The following FGD2 variants were observed in gnomAD, a reference collection of about 807,000 sequenced individuals.
FGD2 encodes the protein FYVE, RhoGEF and PH domain containing 2.
A neutral mutation model predicts 75.9 loss-of-function variants in FGD2; 52 were observed. The observed-to-expected ratio is 0.69, with a 90% confidence interval of 0.55 to 0.86. FGD2 has a LOEUF of 0.86. FGD2 is among the 40% of genes least tolerant of loss of function. The pLI is 0.00. For missense variants in FGD2, 790 were observed against 872.0 expected (o/e 0.91, Z 1.18); for synonymous variants, 347 against 348.6 (o/e 1.00, Z 0.05).
At chr6:37,027,917 A>G in intron 15 of FGD2, 31 bp from the exon 16 acceptor site, 1 of 1,606,644 alleles carries the variant, frequency 6.2e-7, no homozygotes. Flanking sequence ...CTGAGAGGGG[A>G]CAGTGGCCCA....
intron 9 of FGD2, 93 bp downstream of exon 9, chr6:37,015,953 A>G: frequency 8.5e-7 from 1 of 1,181,084 alleles, no homozygotes; most frequent in Non-Finnish European, 1.2e-6. Context: ...TCTCAATCAC[A>G]GAACCAAACC....
chr6:37,024,374 A>AT (rs1363339307), intron 13 of FGD2: 3 of 152,294 alleles, frequency 2.0e-5, no homozygotes, highest in Admixed American at 6.5e-5. Flanking sequence ...GTATCAATAA[A>AT]TTTCCTGAGC....
rs1325227233 is a variant in FGD2, at chr6:37,021,620, T to C, written c.1326+16T>C. On this transcript the variant is annotated intron_variant, in intron 12 of 15. Transcript: ENST00000274963. ...GGAGCAGGAGGTAAATGAAGGCTTT[T>C]TCATCCCTTGCTGGAGCCACCAACC... 1 of 1,608,802 alleles carries C rather than the reference T, an allele frequency of 6.2e-7. No individual in the cohort carries two copies. The highest frequency in any genetic ancestry group is 8.5e-7 in the Non-Finnish European group (1 of 1,176,702).
chr6:37,008,991 CT>C lies in FGD2; in HGVS notation c.227del (p.Leu76ArgfsTer17). On this transcript the variant is annotated frameshift_variant, in exon 2 of 16. Coordinates refer to ENST00000274963, the MANE Select transcript of FGD2 (RefSeq NM_173558.4). LOFTEE classifies it high-confidence loss of function. ...AGTCAGCAGGAGGTACCTGAACTCC[CT>C]GAAGAACAAGCTGTCCAGCGAAGCC... ...RTVSRRYLNS[L>X]KNKLSSEAWR... is the part of the protein sequence containing the mutation. 1 of 1,614,260 alleles carries C rather than the reference CT, an allele frequency of 6.2e-7. No individual in the cohort carries two copies. The highest frequency in any genetic ancestry group is 8.5e-7 in the Non-Finnish European group (1 of 1,180,040).
chr6:37,027,380 G>A, intron 14 of FGD2, 49 bp from the exon 15 acceptor site: 1 of 1,563,438 alleles, frequency 6.4e-7, no homozygotes, highest in Non-Finnish European at 8.7e-7. Context: ...ACCAACATCT[G>A]GCACTTGCGG....
intron 4 of FGD2, among the ~76,000 whole-genome samples, chr6:37,012,539 C>T (rs1765061541): frequency 6.6e-6 from 1 of 151,716 alleles, no homozygotes; most frequent in Non-Finnish European, 1.5e-5. Flanking sequence ...TGGTAAAACC[C>T]CATCTCTACC....
chr6:37,024,952 T>C lies in FGD2; in HGVS notation c.1459-840T>C, dbSNP rs118002007. The C allele has an allele frequency of 5.2e-3, 786 of 152,500 alleles. 17 individuals carry two copies. Among genetic ancestry groups the C allele is most frequent in the East Asian group, 0.017 (87 of 5,184 alleles). 9.4% of individuals were successfully genotyped at this position (152,500 alleles called of 1,614,324 possible). A position where few individuals can be genotyped will look rare whatever the true frequency, so the allele number is the denominator to read the frequency against. On this transcript the variant is annotated intron_variant, in intron 13 of 15. Transcript: ENST00000274963. ...CACAGAGGAGCTCCCTGAAGGCTGG[T>C]GCCGCCTGATGAACTACACTCCCTC... is the stretch of plus-strand genomic sequence containing the variant.
At chr6:37,020,489 T>C in intron 9 of FGD2, 52 bp from the exon 10 acceptor site, 1 of 1,534,310 alleles carries the variant, frequency 6.5e-7, no homozygotes. Context: ...GTGCTGTGCC[T>C]GGGACCCGGG....
rs1486210150 is a variant in FGD2 at position 37,028,800 on chromosome 6, G to T, written c.*637G>T. ...ATTTTTTTATTTTTTGTAGAGATGG[G>T]ATTTCACCATGTTACTCAGGCTGGT... On this transcript the variant is annotated 3_prime_UTR_variant, in exon 16 of 16. Transcript: ENST00000274963. 1 of 151,630 alleles carries T rather than the reference G, an allele frequency of 6.6e-6. No homozygotes were observed. Among genetic ancestry groups the T allele is most frequent in the South Asian group, 2.1e-4 (1 of 4,808 alleles). The allele number at this position is 151,630 out of a possible 1,614,324, so 9.4% of individuals were successfully genotyped here.
At chr6:37,015,107 A>G (rs1292524020) in intron 8 of FGD2, 69 bp downstream of exon 8, 25 of 1,553,924 alleles carry the variant, frequency 1.6e-5, no homozygotes, top group Non-Finnish European at 2.2e-5. Context: ...GGCCCGAGTC[A>G]TACTGCCTGG....
chr6:37,010,980 A>T lies in FGD2; in HGVS notation c.308A>T (p.Glu103Val). ...TLSGSGTQEP[E>V]KKIVQELLET... is the part of the protein sequence containing the mutation. ...CCCTCCAATCCTCCGCAGGAGCCAG[A>T]GAAGAAGATCGTCCAGGAGCTGCTG... is the stretch of plus-strand genomic sequence containing the variant. The change falls in exon 3 of 16, where the codon GAG (glutamate) becomes GTG (valine). Residue 103 changes from glutamate (E) to valine (V), a missense_variant. Physicochemically the swap from Glu to Val is moderately radical, Grantham distance 121. Transcript: ENST00000274963. The T allele has an allele frequency of 1.9e-6, 3 of 1,614,100 alleles. No homozygotes were observed. Among genetic ancestry groups the T allele is most frequent in the South Asian group, 2.2e-5 (2 of 91,080 alleles).
chr6:37,013,767 T>C lies in FGD2; in HGVS notation c.684+2T>C, dbSNP rs1334130106. 6.2e-7 allele frequency: 1 copy of C among 1,613,606 alleles called. No individual in the cohort carries two copies. The highest frequency in any genetic ancestry group is 8.5e-7 in the Non-Finnish European group (1 of 1,179,846). On this transcript the variant is annotated splice_donor_variant, in intron 5 of 15. Coordinates refer to ENST00000274963, the MANE Select transcript of FGD2 (RefSeq NM_173558.4). LOFTEE classifies it high-confidence loss of function. ...CAGGAGGTTCTCACTCGCATCCAGG[T>C]GAGGCTGGGGGAGGGCTGGAGTCAG...
intron 14 of FGD2, 104 bp downstream of exon 14, chr6:37,026,042 G>A: frequency 6.7e-7 from 1 of 1,502,608 alleles, no homozygotes; most frequent in African/African-American, 1.4e-5. Context: ...GAACAAGCCA[G>A]CCATGGTCAC....
intron 5 of FGD2, 46 bp downstream of exon 5, chr6:37,013,811 G>T: frequency 1.2e-6 from 2 of 1,608,240 alleles, no homozygotes; most frequent in Admixed American, 1.7e-5. Flanking sequence ...CTCCCAGCAT[G>T]CAGTGGCTCA....
chr6:37,010,969 G>T lies in FGD2; in HGVS notation c.301-4G>T, dbSNP rs1724088. On this transcript the variant is annotated splice_polypyrimidine_tract_variant and splice_region_variant and intron_variant, in intron 2 of 15. Transcript: ENST00000274963. ...CTCCTTCTCTCCCCTCCAATCCTCC[G>T]CAGGAGCCAGAGAAGAAGATCGTCC... 2 of 1,613,658 alleles carry T rather than the reference G, an allele frequency of 1.2e-6. No individual in the cohort carries two copies. Among genetic ancestry groups the T allele is most frequent in the Non-Finnish European group, 1.7e-6 (2 of 1,179,794 alleles).
chr6:37,027,669 T>C (rs1035927686), intron 15 of FGD2, 94 bp downstream of exon 15: 19 of 1,476,224 alleles, frequency 1.3e-5, no homozygotes, highest in Non-Finnish European at 1.7e-5. Flanking sequence ...TAGCTCCATA[T>C]GTCAGATAGG....
Position 37,022,303 on chromosome 6 carries a change from G to A in FGD2, c.1391G>A (p.Cys464Tyr), listed in dbSNP as rs774025462. The A allele has an allele frequency of 6.3e-7, 1 of 1,589,044 alleles. No individual in the cohort carries two copies. Among genetic ancestry groups the A allele is most frequent in the Admixed American group, 1.9e-5 (1 of 53,588 alleles). ...QWVRDKMVTM[C>Y]MRCQEPFNAL... ...GTCCGGGACAAGATGGTGACCATGT[G>A]CATGCGCTGCCAGGAGCCCTTCAAC... Residue 464 changes from cysteine (C) to tyrosine (Y), a missense_variant, in exon 13 of 16, where the codon TGC (cysteine) becomes TAC (tyrosine). Coordinates refer to ENST00000274963, the MANE Select transcript of FGD2 (RefSeq NM_173558.4).
At chr6:37,022,680 T>C (rs941971681) in intron 13 of FGD2, 1 of 303,354 alleles carries the variant, frequency 3.3e-6, no homozygotes, top group Non-Finnish European at 6.2e-6. Context: ...CTGCCCCACC[T>C]TGGCTTCCAC....
Position 37,005,901 on chromosome 6 carries a change from G to A in FGD2, c.68+16G>A. On this transcript the variant is annotated intron_variant, in intron 1 of 15. Coordinates refer to ENST00000274963, the MANE Select transcript of FGD2 (RefSeq NM_173558.4). The stretch of plus-strand genomic sequence containing the variant: ...AGAATAGCAGGTATGGGCAGCTGGG[G>A]TGGGAGGGTCACCATGGTGGGCTGG... The A allele has an allele frequency of 1.2e-6, 2 of 1,612,524 alleles. No individual in the cohort carries two copies. Among genetic ancestry groups the A allele is most frequent in the Non-Finnish European group, 8.5e-7 (1 of 1,179,614 alleles).
Sources: gnomAD v4.1 joint callset for allele counts (sites outside exome capture counted in the v4.1 genomes callset) on GRCh38, gnomAD v4.1.1 for gene constraint, MANE v1.5 for transcripts, NCBI Gene and HGNC (gene_info 2026-07-23, HGNC 2026-07-21) for gene names.